The following TEAD1 variants were observed in gnomAD, a reference collection of about 807,000 sequenced individuals.
TEAD1 encodes TEA domain transcription factor 1, also known as transcriptional enhancer factor TEF-1.
In TEAD1, 9 loss-of-function variants were observed where a neutral mutation model predicts 54.9. That is an observed-to-expected ratio of 0.16 (90% confidence interval 0.10 to 0.29). The LOEUF (loss-of-function observed/expected upper bound fraction) is 0.29, where lower values mean the gene tolerates loss of function less well. Among genes scored for constraint, TEAD1 ranks in the 10% least tolerant of loss-of-function variants. The probability of loss-of-function intolerance (pLI) is 1.00; values close to 1 mark genes in which losing one functional copy is unlikely to be tolerated. For missense variants in TEAD1, 387 were observed against 535.9 expected (o/e 0.72, Z 2.74); for synonymous variants, 200 against 187.8 (o/e 1.07, Z -0.53).
intron 2 of TEAD1, among the ~76,000 whole-genome samples, chr11:12,683,714 G>A (rs532542578): frequency 6.6e-6 from 1 of 152,304 alleles, no homozygotes; most frequent in South Asian, 2.1e-4. Context: ...TTTGTTGCCA[G>A]TAATGGGCTA....
In TEAD1 at chr11:12,913,025, C is replaced by CTGT. The variant is rs762965339; in HGVS notation, c.873+10913_873+10915dup. ...GCTGCCACAATTAGCTTGATTCATGCTGTCACCTTTACCATTTCACCTCAA... is the reference window on the plus strand; with the variant it reads ...GCTGCCACAATTAGCTTGATTCATGCTGTTGTCACCTTTACCATTTCACCTCAA... On this transcript the variant is annotated intron_variant, in intron 10 of 12. Coordinates refer to ENST00000527636, the MANE Select transcript of TEAD1 (RefSeq NM_021961.6). Among the ~76,000 whole-genome samples, 10 of 152,252 alleles carry CTGT rather than the reference C, an allele frequency of 6.6e-5. No individual in the cohort carries two copies. In the East Asian group the frequency reaches 7.7e-4, roughly 12 times the overall value.
chr11:12,836,303 C>T (rs1946890979), intron 3 of TEAD1, among the ~76,000 whole-genome samples: 1 of 151,976 alleles, frequency 6.6e-6, no homozygotes, highest in African/African-American at 2.4e-5. Context: ...GCCTGTAGTC[C>T]CAGCTACTCG....
At chr11:12,880,394 A>G (rs1464276126) in intron 6 of TEAD1, among the ~76,000 whole-genome samples, 1 of 152,222 alleles carries the variant, frequency 6.6e-6, no homozygotes, top group African/African-American at 2.4e-5. Context: ...TTCAGTAGCA[A>G]AACAAGAGTT....
chr11:12,809,594 C>T (rs190271308), intron 3 of TEAD1, among the ~76,000 whole-genome samples: 1 of 151,934 alleles, frequency 6.6e-6, no homozygotes, highest in East Asian at 1.9e-4. Flanking sequence ...TGAGACTCAG[C>T]CAGGACGTGG....
At chr11:12,868,103 C>T (rs1180310366) in intron 5 of TEAD1, among the ~76,000 whole-genome samples, 3 of 152,160 alleles carry the variant, frequency 2.0e-5, no homozygotes, top group Non-Finnish European at 4.4e-5. Flanking sequence ...GTGGCTTACC[C>T]GCAATGGAGG....
In TEAD1 at chr11:12,941,931, T is replaced by A. The variant is rs1254721482; in HGVS notation, c.*4709T>A. 1 of 152,614 alleles carries A rather than the reference T, an allele frequency of 6.6e-6. No homozygotes were observed. Among genetic ancestry groups the A allele is most frequent in the Non-Finnish European group, 1.5e-5 (1 of 68,038 alleles). The allele number at this position is 152,614 out of a possible 1,614,324, so 9.5% of individuals were successfully genotyped here. The stretch of plus-strand genomic sequence containing the variant: ...AGCCTTTTCTTACACCAATTCCTAA[T>A]GTTCATTTACGAATTGGCCCAATAT... On this transcript the variant is annotated 3_prime_UTR_variant, in exon 13 of 13. Coordinates refer to ENST00000527636, the MANE Select transcript of TEAD1 (RefSeq NM_021961.6).
At chr11:12,692,433 A>T (rs1943478648) in intron 2 of TEAD1, among the ~76,000 whole-genome samples, 1 of 152,154 alleles carries the variant, frequency 6.6e-6, no homozygotes, top group South Asian at 2.1e-4. Flanking sequence ...CATTCTCCAC[A>T]CCACTGAGAA....
rs1944719475 is a variant in TEAD1 at position 12,745,034 on chromosome 11, C to A, written c.-54-19145C>A. ...TCTCCAGGGCTCGGCTAATTTTAAA[C>A]CTGGTCAGGGAGTGTGGTGGCATTG... is the stretch of plus-strand genomic sequence containing the variant. On this transcript the variant is annotated intron_variant, in intron 2 of 12. Transcript: ENST00000527636. Among the ~76,000 whole-genome samples the A allele has an allele frequency of 2.6e-5, 4 of 152,272 alleles. No homozygotes were observed. In the South Asian group the frequency reaches 8.3e-4, roughly 32 times the overall value.
chr11:12,883,862 C>G (rs2134100668), intron 9 of TEAD1, among the ~76,000 whole-genome samples: 1 of 151,786 alleles, frequency 6.6e-6, no homozygotes, highest in East Asian at 1.9e-4. Flanking sequence ...AAATACATGG[C>G]CACGCACATG....
At chr11:12,828,546 C>A (rs776339143) in intron 3 of TEAD1, among the ~76,000 whole-genome samples, 1 of 151,882 alleles carries the variant, frequency 6.6e-6, no homozygotes, top group African/African-American at 2.4e-5. Context: ...CTCTTGTTTG[C>A]TGAACCTTGG....
intron 3 of TEAD1, among the ~76,000 whole-genome samples, chr11:12,809,518 C>T (rs563981633): frequency 1.3e-5 from 2 of 152,290 alleles, no homozygotes; most frequent in East Asian, 1.9e-4. Flanking sequence ...GAATTGATGT[C>T]TCTGTGTACA....
chr11:12,758,556 G>A (rs1041807401), intron 2 of TEAD1, among the ~76,000 whole-genome samples: 7 of 151,864 alleles, frequency 4.6e-5, no homozygotes, highest in Non-Finnish European at 8.8e-5. Context: ...GACTACAGGC[G>A]CCTGCCACCA....
chr11:12,883,867 C>T (rs960140672), intron 9 of TEAD1, among the ~76,000 whole-genome samples: 1 of 151,856 alleles, frequency 6.6e-6, no homozygotes, highest in African/African-American at 2.4e-5. Flanking sequence ...CATGGCCACG[C>T]ACATGTAGTC....
chr11:12,920,612 A>G (rs185529200), intron 10 of TEAD1, among the ~76,000 whole-genome samples: 3 of 152,316 alleles, frequency 2.0e-5, no homozygotes, highest in African/African-American at 7.2e-5. Flanking sequence ...AATTGGGACT[A>G]CAGGTATTCT....
chr11:12,826,292 G>T (rs933484818), intron 3 of TEAD1, among the ~76,000 whole-genome samples: 1 of 152,072 alleles, frequency 6.6e-6, no homozygotes, highest in Non-Finnish European at 1.5e-5. Context: ...CCACTTTCTG[G>T]GCTCTTGTAG....
intron 2 of TEAD1, among the ~76,000 whole-genome samples, chr11:12,703,161 G>A (rs1030711988): frequency 6.6e-6 from 1 of 152,132 alleles, no homozygotes; most frequent in African/African-American, 2.4e-5. Flanking sequence ...CCACAGTGTG[G>A]TCTCAGTATC....
chr11:12,782,033 C>T (rs987227625), intron 3 of TEAD1, among the ~76,000 whole-genome samples: 5 of 151,462 alleles, frequency 3.3e-5, no homozygotes, highest in African/African-American at 1.2e-4. Context: ...ACCTGTAGCC[C>T]CTGCTACTCA....
intron 9 of TEAD1, among the ~76,000 whole-genome samples, chr11:12,900,328 T>C (rs961229692): frequency 1.3e-5 from 2 of 152,326 alleles, no homozygotes; most frequent in South Asian, 2.1e-4. Context: ...TCCAAAGTGC[T>C]GATATTAAAG....
At chr11:12,724,161 C>T (rs938221186) in intron 2 of TEAD1, among the ~76,000 whole-genome samples, 1 of 152,146 alleles carries the variant, frequency 6.6e-6, no homozygotes, top group Non-Finnish European at 1.5e-5. Context: ...CACACTGTCC[C>T]CTCCGCAACA....
Sources: gnomAD v4.1 joint callset for allele counts (sites outside exome capture counted in the v4.1 genomes callset) on GRCh38, gnomAD v4.1.1 for gene constraint, MANE v1.5 for transcripts, NCBI Gene and HGNC (gene_info 2026-07-23, HGNC 2026-07-21) for gene names.